Variants in TMEM86A observed in about 807,000 individuals in gnomAD.
TMEM86A encodes lysoplasmalogenase TMEM86A.
In TMEM86A, 13 loss-of-function variants were observed where a neutral mutation model predicts 19.8. The ratio of observed to expected loss-of-function variants is 0.66; its 90% CI spans 0.43 to 1.04. TMEM86A has a LOEUF of 1.04. Among genes scored for constraint, TMEM86A ranks in the 50% least tolerant of loss-of-function variants. The probability of loss-of-function intolerance (pLI) is 0.00; values close to 1 mark genes in which losing one functional copy is unlikely to be tolerated. For synonymous variants in TMEM86A, 128 were observed against 129.9 expected (o/e 0.99, Z 0.10); for missense variants, 248 against 306.8 (o/e 0.81, Z 1.43).
At chr11:18,700,549 T>G in intron 1 of TMEM86A, 1 of 251,134 alleles carries the variant, frequency 4.0e-6, no homozygotes, top group South Asian at 7.1e-5. Flanking sequence ...GGATCACGAG[T>G]TGGCCAGTCA....
Position 18,701,596 on chromosome 11 carries a change from C to CT in TMEM86A, c.310_311insT (p.His104LeufsTer193). The CT allele has an allele frequency of 6.4e-7, 1 of 1,565,062 alleles. No homozygotes were observed. Among genetic ancestry groups the CT allele is most frequent in the Non-Finnish European group, 8.7e-7 (1 of 1,153,922 alleles). On this transcript the variant is annotated frameshift_variant, in exon 3 of 3. Coordinates refer to ENST00000280734, the MANE Select transcript of TMEM86A (RefSeq NM_153347.3). LOFTEE classifies it high-confidence loss of function. This position sits in a 1 kb window ranked among gnomAD's most constrained non-coding sequence, Gnocchi z 5.3. ...AGGTCTGCTGATGTTTGCTGTGACC[C>CT]ACATGTTCTACGCCTCGGCCTTTGG...
In TMEM86A at chr11:18,702,061, C is replaced by T; in HGVS notation, c.*52C>T. 1.9e-6 allele frequency: 3 copies of T among 1,569,198 alleles called. No homozygotes were observed. The Middle Eastern group carries it at 5.2e-4, about 270-fold the overall frequency. ...TCCTCCTGGGGCTGGGGCCCAGATCCTGGGGACCTGCAGGAGCTGGATCAG... is the reference window on the plus strand; with the variant it reads ...TCCTCCTGGGGCTGGGGCCCAGATCTTGGGGACCTGCAGGAGCTGGATCAG... On this transcript the variant is annotated 3_prime_UTR_variant, in exon 3 of 3. Transcript: ENST00000280734.
intron 1 of TMEM86A, 99 bp from the exon 2 acceptor site, chr11:18,700,834 G>C (rs765085286): frequency 7.4e-6 from 11 of 1,491,104 alleles, no homozygotes; most frequent in Non-Finnish European, 1.0e-5. Context: ...AGTGAGGTGG[G>C]GGTATGGATG....
Position 18,702,137 on chromosome 11 carries a change from A to G in TMEM86A, c.*128A>G. 1 of 962,934 alleles carries G rather than the reference A, an allele frequency of 1.0e-6. No homozygotes were observed. The highest frequency in any genetic ancestry group is 1.6e-5 in the African/African-American group (1 of 61,258). 59.6% of individuals were successfully genotyped at this position (962,934 alleles called of 1,614,324 possible). ...AGCAGGTACTGCCTGAGGAATTTGC[A>G]AGTTCGTGTGGGGAGGCTGGAAAAG... On this transcript the variant is annotated 3_prime_UTR_variant, in exon 3 of 3. Transcript: ENST00000280734.
At position 18,702,054 on chromosome 11, in the gene TMEM86A, C is replaced by T; in HGVS notation, c.*45C>T. The T allele has an allele frequency of 6.3e-6, 10 of 1,582,932 alleles. No homozygotes were observed. The highest frequency in any genetic ancestry group is 8.6e-6 in the Non-Finnish European group (10 of 1,167,644). ...CCCTCTCTCCTCCTGGGGCTGGGGC[C>T]CAGATCCTGGGGACCTGCAGGAGCT... On this transcript the variant is annotated 3_prime_UTR_variant, in exon 3 of 3. Coordinates refer to ENST00000280734, the MANE Select transcript of TMEM86A (RefSeq NM_153347.3).
At chr11:18,700,708 G>A (rs4237726) in intron 1 of TMEM86A, 1 of 609,280 alleles carries the variant, frequency 1.6e-6, no homozygotes, top group Non-Finnish European at 2.9e-6. Flanking sequence ...GCAGAAGGGT[G>A]CCCCTCCTAA....
rs760051419 is a variant in TMEM86A at position 18,703,340 on chromosome 11, T to C, written c.*1331T>C. ...TTAGGAGGATGGGGGATGAGTGGTA[T>C]TTGCCACTGTCCAAATTTGTCCTTG... On this transcript the variant is annotated 3_prime_UTR_variant, in exon 3 of 3. Coordinates refer to ENST00000280734, the MANE Select transcript of TMEM86A (RefSeq NM_153347.3). The C allele has an allele frequency of 6.6e-6, 1 of 152,302 alleles. No homozygotes were observed. Among genetic ancestry groups the C allele is most frequent in the Non-Finnish European group, 1.5e-5 (1 of 68,118 alleles). The allele number at this position is 152,302 out of a possible 1,614,324, so 9.4% of individuals were successfully genotyped here.
Position 18,702,304 on chromosome 11 carries a change from C to A in TMEM86A, c.*295C>A. Reference sequence around the variant, plus strand: ...AAAACCCCCCTGGAAGGTGATGGTGCTCAGCTTCTTGACACCCCCCCACCC... The same window carrying A: ...AAAACCCCCCTGGAAGGTGATGGTGATCAGCTTCTTGACACCCCCCCACCC... On this transcript the variant is annotated 3_prime_UTR_variant, in exon 3 of 3. Coordinates refer to ENST00000280734, the MANE Select transcript of TMEM86A (RefSeq NM_153347.3). 2.2e-6 allele frequency: 1 copy of A among 447,482 alleles called. No individual in the cohort carries two copies. Among genetic ancestry groups the A allele is most frequent in the East Asian group, 4.4e-5 (1 of 22,858 alleles). The allele number at this position is 447,482 out of a possible 1,614,324, so 27.7% of individuals were successfully genotyped here.
At position 18,702,367 on chromosome 11, in the gene TMEM86A, T is replaced by C; in HGVS notation, c.*358T>C. ...AGGTGGAAGAGTCTGACTCCATGTGTTATGCCTAGGACCAATGGCAGTGCT... is the reference window on the plus strand; with the variant it reads ...AGGTGGAAGAGTCTGACTCCATGTGCTATGCCTAGGACCAATGGCAGTGCT... On this transcript the variant is annotated 3_prime_UTR_variant, in exon 3 of 3. Coordinates refer to ENST00000280734, the MANE Select transcript of TMEM86A (RefSeq NM_153347.3). 3.0e-6 allele frequency: 1 copy of C among 332,984 alleles called. No homozygotes were observed. The highest frequency in any genetic ancestry group is 5.8e-6 in the Non-Finnish European group (1 of 173,446). 20.6% of individuals were successfully genotyped at this position (332,984 alleles called of 1,614,324 possible).
Position 18,701,691 on chromosome 11 carries a change from C to A in TMEM86A, c.405C>A (p.Leu135=), listed in dbSNP as rs752972183. Residue 135 remains leucine (L), a synonymous_variant, in exon 3 of 3, where the codon CTC becomes CTA. Transcript: ENST00000280734. This position sits in a 1 kb window ranked among gnomAD's most constrained non-coding sequence, Gnocchi z 5.3. Reference sequence around the variant, plus strand: ...TGTCGGGCCTGTGCTATGCCCTCCTCTACCCATGCCTCTCAGGTGCCTTCA... The same window carrying A: ...TGTCGGGCCTGTGCTATGCCCTCCTATACCCATGCCTCTCAGGTGCCTTCA... ...AALSGLCYAL[L]YPCLSGAFTY... is the part of the protein sequence containing the mutation. The A allele has an allele frequency of 2.5e-6, 4 of 1,614,120 alleles. No individual in the cohort carries two copies. Among genetic ancestry groups the A allele is most frequent in the Non-Finnish European group, 3.4e-6 (4 of 1,179,996 alleles).
In TMEM86A at chr11:18,698,808, C is replaced by A; in HGVS notation, c.-79C>A. The A allele has an allele frequency of 3.1e-6, 2 of 651,464 alleles. No homozygotes were observed. Among genetic ancestry groups the A allele is most frequent in the South Asian group, 1.6e-5 (1 of 62,798 alleles). The allele number at this position is 651,464 out of a possible 1,614,324, so 40.4% of individuals were successfully genotyped here. On this transcript the variant is annotated 5_prime_UTR_variant, in exon 1 of 3. Coordinates refer to ENST00000280734, the MANE Select transcript of TMEM86A (RefSeq NM_153347.3). ...TCCGTCCCTCCGGGCTTTGTAGAAT[C>A]GTCGCCGGCTTACCTGGCCGTGGGC...
rs971038443 is a variant in TMEM86A, at chr11:18,699,366, G to T, written c.21+459G>T. Among the ~76,000 whole-genome samples the T allele has an allele frequency of 3.3e-5, 5 of 152,222 alleles. No homozygotes were observed. The highest frequency in any genetic ancestry group is 7.3e-5 in the Non-Finnish European group (5 of 68,038). On this transcript the variant is annotated intron_variant, in intron 1 of 2. Coordinates refer to ENST00000280734, the MANE Select transcript of TMEM86A (RefSeq NM_153347.3). The surrounding 1 kb of genome is among the most constrained non-coding windows in gnomAD (Gnocchi z 4.0). ...TCATTTTGTAAACAAGTTGGCGGAC[G>T]CCCCTGAGTCTAAGAAGCGCTGATA...
At chr11:18,700,280 A>T in intron 1 of TMEM86A, among the ~76,000 whole-genome samples, 1 of 152,096 alleles carries the variant, frequency 6.6e-6, no homozygotes, top group Non-Finnish European at 1.5e-5. Flanking sequence ...CAATCCTTGA[A>T]ATCTTTGGTG....
At position 18,704,662 on chromosome 11, in the gene TMEM86A, CAG is replaced by C; in HGVS notation, c.*2656_*2657del. 3 of 682,074 alleles carry C rather than the reference CAG, an allele frequency of 4.4e-6. No homozygotes were observed. Among genetic ancestry groups the C allele is most frequent in the Non-Finnish European group, 7.8e-6 (3 of 383,036 alleles). The allele number at this position is 682,074 out of a possible 1,614,324, so 42.3% of individuals were successfully genotyped here. ...CCTGGGACCCTTAATCTTGGGTTGG[CAG>C]AGTGTGAAGGGGCAAGAGCTGCCAT... On this transcript the variant is annotated 3_prime_UTR_variant, in exon 3 of 3. Coordinates refer to ENST00000280734, the MANE Select transcript of TMEM86A (RefSeq NM_153347.3).
chr11:18,701,589 T>C lies in TMEM86A; in HGVS notation c.303T>C (p.Ala101=). The C allele has an allele frequency of 6.4e-7, 1 of 1,557,340 alleles. No individual in the cohort carries two copies. The highest frequency in any genetic ancestry group is 8.7e-7 in the Non-Finnish European group (1 of 1,150,732). Residue 101 remains alanine (A), a synonymous_variant, in exon 3 of 3, where the codon GCT becomes GCC. Transcript: ENST00000280734. The surrounding 1 kb of genome is among the most constrained non-coding windows in gnomAD (Gnocchi z 5.3). ...GYFVHGLLMF[A]VTHMFYASAF... is the part of the protein sequence containing the mutation. Reference sequence around the variant, plus strand: ...TACCCCCAGGTCTGCTGATGTTTGCTGTGACCCACATGTTCTACGCCTCGG... The same window carrying C: ...TACCCCCAGGTCTGCTGATGTTTGCCGTGACCCACATGTTCTACGCCTCGG...
At chr11:18,700,796 G>A in intron 1 of TMEM86A, 137 bp from the exon 2 acceptor site, 1 of 1,271,622 alleles carries the variant, frequency 7.9e-7, no homozygotes, top group Non-Finnish European at 1.1e-6. Context: ...GGGTTTCTCT[G>A]TGTCAGTCTT....
chr11:18,702,942 A>G lies in TMEM86A; in HGVS notation c.*933A>G, dbSNP rs1281474340. 6.5e-6 allele frequency: 1 copy of G among 152,766 alleles called. No homozygotes were observed. The highest frequency in any genetic ancestry group is 6.5e-5 in the Admixed American group (1 of 15,280). The allele number at this position is 152,766 out of a possible 1,614,324, so 9.5% of individuals were successfully genotyped here. On this transcript the variant is annotated 3_prime_UTR_variant, in exon 3 of 3. Transcript: ENST00000280734. ...CTGGGACCCCTCCCCTCCAACACACATACTCACAGTGCTTTCCTCCTTGTC... is the reference window on the plus strand; with the variant it reads ...CTGGGACCCCTCCCCTCCAACACACGTACTCACAGTGCTTTCCTCCTTGTC...
At chr11:18,700,526 G>A (rs1360554938) in intron 1 of TMEM86A, 1 of 233,636 alleles carries the variant, frequency 4.3e-6, no homozygotes, top group Non-Finnish European at 8.5e-6. Flanking sequence ...GCTGCACCCT[G>A]GCCCCATGCT....
Position 18,703,171 on chromosome 11 carries a change from C to T in TMEM86A, c.*1162C>T, listed in dbSNP as rs1348619815. 1 of 152,442 alleles carries T rather than the reference C, an allele frequency of 6.6e-6. No individual in the cohort carries two copies. The highest frequency in any genetic ancestry group is 1.5e-5 in the Non-Finnish European group (1 of 68,086). The allele number at this position is 152,442 out of a possible 1,614,324, so 9.4% of individuals were successfully genotyped here. A position where few individuals can be genotyped will look rare whatever the true frequency, so the allele number is the denominator to read the frequency against. The stretch of plus-strand genomic sequence containing the variant: ...GCCTATCTTGGAGAGGGCATGGGGG[C>T]ATGGTGCCAGAGGCTCTGGCTGTCC... On this transcript the variant is annotated 3_prime_UTR_variant, in exon 3 of 3. Coordinates refer to ENST00000280734, the MANE Select transcript of TMEM86A (RefSeq NM_153347.3).
Sources: gnomAD v4.1 joint callset for allele counts (sites outside exome capture counted in the v4.1 genomes callset) on GRCh38, gnomAD v4.1.1 for gene constraint, Gnocchi (gnomAD v3.1) non-coding constraint, MANE v1.5 for transcripts, NCBI Gene and HGNC (gene_info 2026-07-23, HGNC 2026-07-21) for gene names.